AGBL1: variants seen among roughly 807,000 people sequenced by gnomAD.
AGBL1 encodes AGBL carboxypeptidase 1.
AGBL1 carries 130 observed loss-of-function variants against 118.9 expected under a neutral mutation model. The ratio of observed to expected loss-of-function variants is 1.09; its 90% CI spans 0.95 to 1.26. The LOEUF is 1.26. Ranked by LOEUF, AGBL1 falls within the 50% of genes most tolerant of loss-of-function variation. AGBL1 has a pLI of 0.00. For synonymous variants in AGBL1, 555 were observed against 478.9 expected, an observed-to-expected ratio of 1.16 and a Z score of -2.08; for missense variants, 1,584 against 1,298.1, an observed-to-expected ratio of 1.22 and a Z score of -3.38.
At chr15:86,211,958 T>C (rs1376800857) in intron 5 of AGBL1, among the ~76,000 whole-genome samples, 2 of 152,206 alleles carry the variant, frequency 1.3e-5, no homozygotes, top group Non-Finnish European at 2.9e-5. Flanking sequence ...GCTGTTCCTA[T>C]TCGGCCATCT....
At chr15:86,812,842 G>C (rs773472622) in intron 22 of AGBL1, among the ~76,000 whole-genome samples, 6 of 152,118 alleles carry the variant, frequency 3.9e-5, no homozygotes, top group Non-Finnish European at 7.3e-5. Context: ...CATTCTAAAG[G>C]TATGCGTGGC....
chr15:86,148,388 AG>A (rs2077060511), intron 3 of AGBL1, among the ~76,000 whole-genome samples: 1 of 152,180 alleles, frequency 6.6e-6, no homozygotes, highest in Admixed American at 6.5e-5. Flanking sequence ...AAAAAAGATT[AG>A]GCGAATGGCT....
At chr15:86,890,055 T>A (rs2141554482) in intron 22 of AGBL1, among the ~76,000 whole-genome samples, 1 of 152,298 alleles carries the variant, frequency 6.6e-6, no homozygotes, top group South Asian at 2.1e-4. Flanking sequence ...CTTGCCAGCA[T>A]CTGTTGTTAC....
At chr15:86,492,757 G>T (rs1327617643) in intron 18 of AGBL1, among the ~76,000 whole-genome samples, 1 of 152,096 alleles carries the variant, frequency 6.6e-6, no homozygotes, top group Admixed American at 6.6e-5. Context: ...GTGTAGAAGG[G>T]AAGAAGAAGA....
At chr15:86,483,053 C>T (rs765847551) in intron 18 of AGBL1, among the ~76,000 whole-genome samples, 3 of 151,852 alleles carry the variant, frequency 2.0e-5, no homozygotes, top group African/African-American at 7.3e-5. Context: ...GCTGAATATA[C>T]GTATTTATAA....
chr15:86,951,781 G>A (rs2080883090), intron 23 of AGBL1, among the ~76,000 whole-genome samples: 1 of 152,094 alleles, frequency 6.6e-6, no homozygotes. Flanking sequence ...CTTTTCATAA[G>A]TCTATCCAGT....
chr15:86,644,832 C>T (rs2085250396), intron 21 of AGBL1, among the ~76,000 whole-genome samples: 1 of 132,030 alleles, frequency 7.6e-6, no homozygotes, highest in African/African-American at 2.9e-5. Context: ...ATGGTGAAAC[C>T]TCATCTCTAC....
At chr15:86,152,469 A>C (rs908780968) in intron 3 of AGBL1, among the ~76,000 whole-genome samples, 1 of 152,224 alleles carries the variant, frequency 6.6e-6, no homozygotes, top group African/African-American at 2.4e-5. Flanking sequence ...GATATGTAGA[A>C]AGCTGAAACT....
At chr15:86,475,004 G>C (rs1001415418) in intron 18 of AGBL1, among the ~76,000 whole-genome samples, 2 of 152,228 alleles carry the variant, frequency 1.3e-5, no homozygotes, top group African/African-American at 4.8e-5. Context: ...CAGACCTGCA[G>C]CTGAGGGTCC....
chr15:87,005,590 T>G (rs1353288823), intron 24 of AGBL1, among the ~76,000 whole-genome samples: 1 of 152,162 alleles, frequency 6.6e-6, no homozygotes, highest in Non-Finnish European at 1.5e-5. Flanking sequence ...TAGCCATTTG[T>G]CTAATCTTTT....
chr15:86,192,848 G>T (rs1486593064), intron 5 of AGBL1, among the ~76,000 whole-genome samples: 1 of 152,182 alleles, frequency 6.6e-6, no homozygotes, highest in South Asian at 2.1e-4. Flanking sequence ...ATAAAACTTT[G>T]TATAGTATGA....
chr15:86,228,190 C>T (rs908018928), intron 6 of AGBL1, among the ~76,000 whole-genome samples: 1 of 152,094 alleles, frequency 6.6e-6, no homozygotes, highest in Admixed American at 6.5e-5. Context: ...TAGTTAAGAC[C>T]TGATGTGGAA....
chr15:86,636,720 T>C lies in AGBL1; in HGVS notation c.2995-37553T>C, dbSNP rs367634270. Reference sequence around the variant, plus strand: ...CACCAGTCATATATATATATATATATATATATATATATATATATATATATA... The same window carrying C: ...CACCAGTCATATATATATATATATACATATATATATATATATATATATATA... On this transcript the variant is annotated intron_variant, in intron 21 of 22. Transcript: ENST00000614907. Among the ~76,000 whole-genome samples, 48 of 50,414 alleles carry C rather than the reference T, an allele frequency of 9.5e-4. 2 individuals are homozygous for C. The South Asian group carries it at 0.011, about 12-fold the overall frequency. The allele number at this position is 50,414 out of a possible 152,430, so 33.1% of individuals were successfully genotyped here. A position where few individuals can be genotyped will look rare whatever the true frequency, so the allele number is the denominator to read the frequency against.
At chr15:86,326,417 G>A (rs545252843) in intron 17 of AGBL1, among the ~76,000 whole-genome samples, 64 of 152,148 alleles carry the variant, frequency 4.2e-4, no homozygotes, top group Non-Finnish European at 7.4e-4. Context: ...TAGGAGAAGG[G>A]TATAGAGAAT....
intron 5 of AGBL1, among the ~76,000 whole-genome samples, chr15:86,175,908 A>G (rs1365272531): frequency 6.6e-6 from 1 of 152,188 alleles, no homozygotes; most frequent in African/African-American, 2.4e-5. Flanking sequence ...GGCCTAACAT[A>G]TGGTCTGTCC....
intron 18 of AGBL1, among the ~76,000 whole-genome samples, chr15:86,448,555 G>T (rs970619171): frequency 2.0e-5 from 3 of 152,230 alleles, no homozygotes; most frequent in Non-Finnish European, 4.4e-5. Flanking sequence ...GTGGAGAGAT[G>T]CACCTGGCAT....
chr15:86,192,142 G>GCACGCATGCACGTGCACACACA (rs2077733382), intron 5 of AGBL1, among the ~76,000 whole-genome samples: 1 of 150,576 alleles, frequency 6.6e-6, no homozygotes, highest in African/African-American at 2.4e-5. Context: ...CCACACACAT[G>GCACGCATGCACGTGCACACACA]CACGCATGCA....
intron 24 of AGBL1, among the ~76,000 whole-genome samples, chr15:86,988,780 TTGA>T (rs1406332243): frequency 3.3e-5 from 5 of 152,306 alleles, no homozygotes; most frequent in Non-Finnish European, 7.4e-5. Context: ...GTTATACATT[TTGA>T]TGATTAATTT....
chr15:86,687,768 T>G (rs2086085847), intron 22 of AGBL1, among the ~76,000 whole-genome samples: 1 of 152,138 alleles, frequency 6.6e-6, no homozygotes, highest in African/African-American at 2.4e-5. Flanking sequence ...TAATTTTAAT[T>G]TATATAATTC....
Sources: allele counts gnomAD v4.1 joint callset (sites outside exome capture counted in the v4.1 genomes callset), GRCh38; gene constraint gnomAD v4.1.1; transcripts MANE v1.5; gene names NCBI Gene and HGNC (gene_info 2026-07-23, HGNC 2026-07-21).